Variants in ADAMTS2 observed in about 807,000 individuals in gnomAD.
ADAMTS2 encodes A disintegrin and metalloproteinase with thrombospondin motifs 2.
A neutral mutation model predicts 123.0 loss-of-function variants in ADAMTS2; 50 were observed. That is an observed-to-expected ratio of 0.41 (90% confidence interval 0.32 to 0.51). The LOEUF is 0.51. ADAMTS2 is among the 20% of genes least tolerant of loss of function. ADAMTS2 has a pLI of 0.35. For synonymous variants in ADAMTS2, 678 were observed against 695.4 expected, an observed-to-expected ratio of 0.98 and a Z score of 0.39; for missense variants, 1,494 against 1,705.2, an observed-to-expected ratio of 0.88 and a Z score of 2.18.
chr5:179,329,681 G>A (rs187558260), intron 2 of ADAMTS2, among the ~76,000 whole-genome samples: 103 of 152,252 alleles, frequency 6.8e-4, no homozygotes, highest in African/African-American at 2.3e-3. Context: ...AGAGCTGACC[G>A]AAGAAACAAA....
At chr5:179,182,614 C>T (rs1764073940) in intron 4 of ADAMTS2, among the ~76,000 whole-genome samples, 1 of 152,138 alleles carries the variant, frequency 6.6e-6, no homozygotes, top group Non-Finnish European at 1.5e-5. Context: ...GATCGTGGGG[C>T]AGAGTTCATG....
At chr5:179,283,549 C>CAA (rs3986816) in intron 2 of ADAMTS2, among the ~76,000 whole-genome samples, 16,489 of 51,190 alleles carry the variant, frequency 0.32, 2,985 homozygotes, top group Middle Eastern at 0.43. Flanking sequence ...AGAAAAACAG[C>CAA]AAAAAAAAAA....
In ADAMTS2 at chr5:179,273,076, AGAC is replaced by A; in HGVS notation, c.535-15_535-13del. On this transcript the variant is annotated splice_polypyrimidine_tract_variant and intron_variant, in intron 2 of 21. Transcript: ENST00000251582. Reference sequence around the variant, plus strand: ...CGGATCAGACCAGCCTGCGGGACAAAGACAACAGGATCAGATTTCCAGCACACA... The same window carrying A: ...CGGATCAGACCAGCCTGCGGGACAAAAACAGGATCAGATTTCCAGCACACA... 1 of 1,613,490 alleles carries A rather than the reference AGAC, an allele frequency of 6.2e-7. No individual in the cohort carries two copies. The highest frequency in any genetic ancestry group is 8.5e-7 in the Non-Finnish European group (1 of 1,180,020).
Position 179,185,060 on chromosome 5 carries a change from A to C in ADAMTS2, c.892-3905T>G, listed in dbSNP as rs1327667233. 6.6e-6 allele frequency among the ~76,000 whole-genome samples: 1 copy of C among 152,138 alleles called. No homozygotes were observed. The highest frequency in any genetic ancestry group is 1.5e-5 in the Non-Finnish European group (1 of 68,020). On this transcript the variant is annotated intron_variant, in intron 4 of 21. Coordinates refer to ENST00000251582, the MANE Select transcript of ADAMTS2 (RefSeq NM_014244.5). This position sits in a 1 kb window ranked among gnomAD's most constrained non-coding sequence, Gnocchi z 5.9. ...CCCATGCAAACCTCCCAGGGTTGGA[A>C]GCAGCGAGGCACCTTCCAAGCACAG...
At chr5:179,153,397 G>A in intron 9 of ADAMTS2, 94 bp downstream of exon 9, 5 of 1,574,482 alleles carry the variant, frequency 3.2e-6, no homozygotes, top group Non-Finnish European at 4.3e-6. Context: ...TCCCCACACT[G>A]GGCCGGTCCT....
At chr5:179,116,840 C>A (rs1383943848) in intron 21 of ADAMTS2, among the ~76,000 whole-genome samples, 1 of 152,108 alleles carries the variant, frequency 6.6e-6, no homozygotes, top group Non-Finnish European at 1.5e-5. Context: ...CTGCAGGGTC[C>A]ACCATGAAAA....
chr5:179,203,294 C>A (rs1764607703), intron 4 of ADAMTS2, among the ~76,000 whole-genome samples: 1 of 152,262 alleles, frequency 6.6e-6, no homozygotes. Context: ...GCTCATTGCC[C>A]AGGGCTGGCC....
intron 2 of ADAMTS2, among the ~76,000 whole-genome samples, chr5:179,331,929 T>A (rs1282403574): frequency 6.6e-6 from 1 of 152,204 alleles, no homozygotes; most frequent in East Asian, 1.9e-4. Flanking sequence ...TGGGGTCAGC[T>A]TAGCCCTCAG....
chr5:179,340,565 C>T (rs1757743204), intron 2 of ADAMTS2, among the ~76,000 whole-genome samples: 1 of 152,204 alleles, frequency 6.6e-6, no homozygotes, highest in Non-Finnish European at 1.5e-5. Context: ...GGCAACAAAA[C>T]ATAGTGAGCA....
Position 179,285,034 on chromosome 5 carries a change from T to C in ADAMTS2, c.535-11970A>G, listed in dbSNP as rs540036295. On this transcript the variant is annotated intron_variant, in intron 2 of 21. Transcript: ENST00000251582. This position sits in a 1 kb window ranked among gnomAD's most constrained non-coding sequence, Gnocchi z 4.9. ...GAGATAATAACAGGGTTTCCATGGC[T>C]GATGTGAGGGCTAAGCGAGATACTG... 1.1e-3 allele frequency among the ~76,000 whole-genome samples: 162 copies of C among 152,256 alleles called. 1 individual carries two copies. Among genetic ancestry groups the C allele is most frequent in the African/African-American group, 3.7e-3 (153 of 41,536 alleles).
chr5:179,293,843 C>T (rs910704962), intron 2 of ADAMTS2, among the ~76,000 whole-genome samples: 5 of 151,408 alleles, frequency 3.3e-5, no homozygotes, highest in Middle Eastern at 3.4e-3. Context: ...TAGGTGGTCT[C>T]GAACTCCTGA....
intron 2 of ADAMTS2, 54 bp downstream of exon 2, chr5:179,343,713 C>T: frequency 6.3e-7 from 1 of 1,583,254 alleles, no homozygotes. Flanking sequence ...AACCCTTTTC[C>T]AAAACCCAGG....
chr5:179,326,702 C>T (rs1757329589), intron 2 of ADAMTS2, among the ~76,000 whole-genome samples: 1 of 152,138 alleles, frequency 6.6e-6, no homozygotes, highest in African/African-American at 2.4e-5. Flanking sequence ...AGAGTAGTTA[C>T]CGTCATCAGC....
intron 5 of ADAMTS2, among the ~76,000 whole-genome samples, chr5:179,173,995 A>T (rs1763883126): frequency 6.6e-6 from 1 of 150,574 alleles, no homozygotes; most frequent in East Asian, 1.9e-4. Context: ...CCTGGGCAAC[A>T]GAGCAAGACT....
In ADAMTS2 at chr5:179,228,326, C is replaced by T. The variant is rs559019004; in HGVS notation, c.689-20611G>A. Among the ~76,000 whole-genome samples the T allele has an allele frequency of 4.6e-5, 7 of 152,256 alleles. No individual in the cohort carries two copies. The highest frequency in any genetic ancestry group is 4.2e-4 in the South Asian group (2 of 4,818). On this transcript the variant is annotated intron_variant, in intron 3 of 21. Coordinates refer to ENST00000251582, the MANE Select transcript of ADAMTS2 (RefSeq NM_014244.5). This position sits in a 1 kb window ranked among gnomAD's most constrained non-coding sequence, Gnocchi z 5.2. ...CTGAGGCCCACAGAGGTGACAGGAA[C>T]GGGCCAGGTGCACGGACAGGGCTGT...
chr5:179,144,091 A>G (rs1763215557), intron 10 of ADAMTS2, among the ~76,000 whole-genome samples: 1 of 152,210 alleles, frequency 6.6e-6, no homozygotes, highest in Non-Finnish European at 1.5e-5. Context: ...GGTTTCAGGA[A>G]ACAAGACCAA....
rs1376577676 is a variant in ADAMTS2 at position 179,129,974 on chromosome 5, C to T, written c.2415G>A (p.Thr805=). ...WEYRDEDGRE[T]LQTMGPLHGT... ...CGTGGAGGGGGCCCATGGTCTGCAG[C>T]GTCTCCCGGCCGTCCTCGTCTCTGT... The change falls in exon 16 of 22, where the codon ACG becomes ACA. Residue 805 remains threonine (T), a synonymous_variant. Transcript: ENST00000251582. The surrounding 1 kb of genome is among the most constrained non-coding windows in gnomAD (Gnocchi z 4.1). The T allele has an allele frequency of 9.3e-6, 15 of 1,613,930 alleles. No homozygotes were observed. Among genetic ancestry groups the T allele is most frequent in the East Asian group, 4.5e-5 (2 of 44,892 alleles).
rs549818163 is a variant in ADAMTS2, at chr5:179,173,708, G to T, written c.975+7364C>A. ...TGGGGTCACAGAAATGAATGTCTGGGGGCAAACATCAAGAACATTTTAAAG... is the reference window on the plus strand; with the variant it reads ...TGGGGTCACAGAAATGAATGTCTGGTGGCAAACATCAAGAACATTTTAAAG... On this transcript the variant is annotated intron_variant, in intron 5 of 21. Transcript: ENST00000251582. Among the ~76,000 whole-genome samples, 10 of 152,270 alleles carry T rather than the reference G, an allele frequency of 6.6e-5. No individual in the cohort carries two copies. In the South Asian group the frequency reaches 2.1e-3, roughly 32 times the overall value.
chr5:179,127,044 G>A (rs1232059545), intron 17 of ADAMTS2, among the ~76,000 whole-genome samples: 1 of 152,228 alleles, frequency 6.6e-6, no homozygotes, highest in Non-Finnish European at 1.5e-5. Flanking sequence ...CCTAAGAGCA[G>A]AGGAAGCTGT....
Sources: gnomAD v4.1 joint callset for allele counts (sites outside exome capture counted in the v4.1 genomes callset) on GRCh38, gnomAD v4.1.1 for gene constraint, Gnocchi (gnomAD v3.1) non-coding constraint, MANE v1.5 for transcripts, NCBI Gene and HGNC (gene_info 2026-07-23, HGNC 2026-07-21) for gene names.